The following POMGNT2 variants were observed in gnomAD, a reference collection of about 807,000 sequenced individuals.
POMGNT2 encodes the protein protein O-linked-mannose beta-1,4-N-acetylglucosaminyltransferase 2.
In POMGNT2, 32 loss-of-function variants were observed where a neutral mutation model predicts 37.8. The ratio of observed to expected loss-of-function variants is 0.85; its 90% CI spans 0.64 to 1.14. The LOEUF (loss-of-function observed/expected upper bound fraction) is 1.14. Ranked by LOEUF, POMGNT2 falls within the 50% of genes most tolerant of loss-of-function variation. POMGNT2 has a pLI of 0.00. For synonymous variants in POMGNT2, 340 were observed against 336.8 expected, an observed-to-expected ratio of 1.01 and a Z score of -0.10; for missense variants, 705 against 780.6, an observed-to-expected ratio of 0.90 and a Z score of 1.15.
At chr3:43,083,926 C>T (rs1271539909) in intron 1 of POMGNT2, among the ~76,000 whole-genome samples, 1 of 152,168 alleles carries the variant, frequency 6.6e-6, no homozygotes, top group Admixed American at 6.5e-5. Flanking sequence ...AACAAATTCT[C>T]TTAGTTTTCC....
Position 43,079,687 on chromosome 3 carries a change from C to T in POMGNT2, c.*2G>A, listed in dbSNP as rs111777493. 3,391 of 1,608,040 alleles carry T rather than the reference C, an allele frequency of 2.1e-3. 75 individuals carry two copies. In the African/African-American group the frequency reaches 0.039, roughly 18 times the overall value. Reference sequence around the variant, plus strand: ...TCCCGAGGCCAGGCTGTGGCCTGCTCGCTACGTGTTGCACACCAGCACATC... The same window carrying T: ...TCCCGAGGCCAGGCTGTGGCCTGCTTGCTACGTGTTGCACACCAGCACATC... On this transcript the variant is annotated 3_prime_UTR_variant, in exon 2 of 2. Coordinates refer to ENST00000344697, the MANE Select transcript of POMGNT2 (RefSeq NM_032806.6).
intron 1 of POMGNT2, among the ~76,000 whole-genome samples, chr3:43,102,419 G>T (rs542493265): frequency 6.6e-6 from 1 of 152,198 alleles, no homozygotes; most frequent in African/African-American, 2.4e-5. Flanking sequence ...CAGAGTGAAA[G>T]ATCTGATTCT....
At chr3:43,096,544 T>C (rs1437948087) in intron 1 of POMGNT2, among the ~76,000 whole-genome samples, 1 of 152,182 alleles carries the variant, frequency 6.6e-6, no homozygotes, top group Non-Finnish European at 1.5e-5. Flanking sequence ...GATCTGAACA[T>C]GGATTCTAAG....
In POMGNT2 at chr3:43,080,390, G is replaced by A. The variant is rs1021357430; in HGVS notation, c.1042C>T (p.Gln348Ter). ...GGCAGGAAGAGGGTGGTGACCAGCT[G>A]GGCCCCATGCATGCTGACCAGCATG... ...ASMLVSMHGA[Q>*]LVTTLFLPRG... is the part of the protein sequence containing the mutation. The change falls in exon 2 of 2, where the codon CAG (glutamine) becomes TAG (stop). Residue 348 changes from glutamine to a stop codon, truncating the protein, a stop_gained. Transcript: ENST00000344697. LOFTEE classifies it high-confidence loss of function. 6.2e-7 allele frequency: 1 copy of A among 1,614,154 alleles called. No individual in the cohort carries two copies. Among genetic ancestry groups the A allele is most frequent in the Admixed American group, 1.7e-5 (1 of 60,032 alleles).
At chr3:43,104,030 T>G (rs2090038899) in intron 1 of POMGNT2, among the ~76,000 whole-genome samples, 2 of 152,212 alleles carry the variant, frequency 1.3e-5, no homozygotes, top group South Asian at 4.1e-4. Flanking sequence ...GCTAACTGTT[T>G]TACACGCATT....
chr3:43,089,360 G>A (rs144247230), intron 1 of POMGNT2, among the ~76,000 whole-genome samples: 27 of 152,284 alleles, frequency 1.8e-4, no homozygotes, highest in South Asian at 6.2e-4. Flanking sequence ...GGCAGTCCAG[G>A]GAATGTGACC....
At chr3:43,103,504 G>C (rs901708441) in intron 1 of POMGNT2, among the ~76,000 whole-genome samples, 1 of 152,094 alleles carries the variant, frequency 6.6e-6, no homozygotes, top group Admixed American at 6.5e-5. Flanking sequence ...GGCTTGCCTG[G>C]GCTGCCTCTT....
chr3:43,082,470 C>CA (rs1259949348), intron 1 of POMGNT2, among the ~76,000 whole-genome samples: 5 of 151,438 alleles, frequency 3.3e-5, no homozygotes, highest in South Asian at 4.2e-4. Context: ...TGTACTGAGG[C>CA]AAAAAAAACC....
chr3:43,091,432 ATAAT>A (rs1400137605), intron 1 of POMGNT2, among the ~76,000 whole-genome samples: 4 of 152,352 alleles, frequency 2.6e-5, no homozygotes. Context: ...ATATGAATAA[ATAAT>A]TAGGAGAGAA....
intron 1 of POMGNT2, among the ~76,000 whole-genome samples, chr3:43,104,083 C>T (rs958732812): frequency 1.2e-4 from 18 of 152,166 alleles, no homozygotes; most frequent in Admixed American, 8.5e-4. Flanking sequence ...GCTATTAATT[C>T]AATTTCACAT....
intron 1 of POMGNT2, among the ~76,000 whole-genome samples, chr3:43,084,582 T>G (rs1373685781): frequency 6.6e-6 from 1 of 151,744 alleles, no homozygotes; most frequent in Admixed American, 6.6e-5. Flanking sequence ...GAGGTGGAGC[T>G]TGCAGTGAGC....
At chr3:43,090,528 G>T (rs1343680801) in intron 1 of POMGNT2, 1 of 152,114 alleles carries the variant, frequency 6.6e-6, no homozygotes, top group Non-Finnish European at 1.5e-5. Flanking sequence ...CTCAAGAGAG[G>T]ACACCTGCGT....
chr3:43,091,734 T>C (rs1233423887), intron 1 of POMGNT2, among the ~76,000 whole-genome samples: 1 of 152,248 alleles, frequency 6.6e-6, no homozygotes, highest in African/African-American at 2.4e-5. Flanking sequence ...TGTAATAACC[T>C]ATTGACGTAA....
At chr3:43,092,659 A>G (rs1649863779) in intron 1 of POMGNT2, among the ~76,000 whole-genome samples, 1 of 152,246 alleles carries the variant, frequency 6.6e-6, no homozygotes, top group South Asian at 2.1e-4. Context: ...GGTTTGCTCT[A>G]AAATCCTCCA....
chr3:43,102,443 G>C (rs1358424116), intron 1 of POMGNT2, among the ~76,000 whole-genome samples: 2 of 152,310 alleles, frequency 1.3e-5, no homozygotes, highest in East Asian at 1.9e-4. Flanking sequence ...AGAGGTGCTG[G>C]AGTATGTACC....
chr3:43,088,920 G>T (rs2089920386), intron 1 of POMGNT2, among the ~76,000 whole-genome samples: 1 of 152,222 alleles, frequency 6.6e-6, no homozygotes, highest in Non-Finnish European at 1.5e-5. Flanking sequence ...CATTCCAACT[G>T]GTATGGAGGG....
At chr3:43,084,339 T>C (rs2089878721) in intron 1 of POMGNT2, among the ~76,000 whole-genome samples, 2 of 151,714 alleles carry the variant, frequency 1.3e-5, no homozygotes, top group South Asian at 2.1e-4. Context: ...ACACCAATGC[T>C]AGATTAAAAA....
intron 1 of POMGNT2, among the ~76,000 whole-genome samples, chr3:43,093,039 A>G (rs1460689248): frequency 1.3e-5 from 2 of 152,280 alleles, no homozygotes; most frequent in East Asian, 3.9e-4. Context: ...TACCTCCAAC[A>G]TGAGTGGGCA....
chr3:43,081,470 C>T lies in POMGNT2; in HGVS notation c.-39G>A. On this transcript the variant is annotated 5_prime_UTR_variant, in exon 2 of 2. In the 5' UTR this introduces an upstream ATG that the reference lacks. Coordinates refer to ENST00000344697, the MANE Select transcript of POMGNT2 (RefSeq NM_032806.6). ...TGGGGCCCTAATGAGATGACGGCCA[C>T]TGGGAAGCACCACAGGCCAGGCAGG... 6.8e-7 allele frequency: 1 copy of T among 1,472,834 alleles called. No homozygotes were observed. Among genetic ancestry groups the T allele is most frequent in the Non-Finnish European group, 9.0e-7 (1 of 1,106,800 alleles). The allele number at this position is 1,472,834 out of a possible 1,614,324, so 91.2% of individuals were successfully genotyped here.
Sources: gnomAD v4.1 joint callset for allele counts (sites outside exome capture counted in the v4.1 genomes callset) on GRCh38, gnomAD v4.1.1 for gene constraint, MANE v1.5 for transcripts, NCBI Gene and HGNC (gene_info 2026-07-23, HGNC 2026-07-21) for gene names.